FAT3: variants seen among roughly 807,000 people sequenced by gnomAD.
FAT3 encodes the protein protocadherin Fat 3.
FAT3 carries 95 observed loss-of-function variants against 310.2 expected under a neutral mutation model. That is an observed-to-expected ratio of 0.31 (90% confidence interval 0.26 to 0.36). The LOEUF is 0.36. Ranked by LOEUF, FAT3 falls within the 10% of genes least tolerant of loss-of-function variation. FAT3 has a pLI of 1.00. For synonymous variants in FAT3, 2,314 were observed against 2,192.9 expected (o/e 1.06, Z -1.54); for missense variants, 5,408 against 5,715.6 (o/e 0.95, Z 1.74).
At chr11:92,342,030 T>C (rs1226413865) in intron 1 of FAT3, among the ~76,000 whole-genome samples, 2 of 152,146 alleles carry the variant, frequency 1.3e-5, no homozygotes, top group Admixed American at 6.6e-5. Flanking sequence ...CCTTACATTC[T>C]TGGGGGACGT....
At chr11:92,623,325 C>A (rs1017767619) in intron 3 of FAT3, among the ~76,000 whole-genome samples, 1 of 152,182 alleles carries the variant, frequency 6.6e-6, no homozygotes, top group Non-Finnish European at 1.5e-5. Flanking sequence ...ACACCACTTG[C>A]TTTTCTCACT....
chr11:92,724,062 A>G (rs1352824780), intron 4 of FAT3, among the ~76,000 whole-genome samples: 1 of 152,202 alleles, frequency 6.6e-6, no homozygotes, highest in Admixed American at 6.5e-5. Flanking sequence ...ACACCATTTT[A>G]TTTAGCTCAC....
In FAT3 at chr11:92,896,374, A is replaced by G. The variant is rs1347274593; in HGVS notation, c.*5261A>G. 6.6e-6 allele frequency: 1 copy of G among 151,986 alleles called. No individual in the cohort carries two copies. 9.4% of individuals were successfully genotyped at this position (151,986 alleles called of 1,614,324 possible). On this transcript the variant is annotated 3_prime_UTR_variant, in exon 28 of 28. Coordinates refer to ENST00000525166, the MANE Select transcript of FAT3 (RefSeq NM_001367949.2). ...AAAAAAAGACAGCCAAAAAAAAGAA[A>G]CAACAACAACAAAAAAAAACACAAC... is the stretch of plus-strand genomic sequence containing the variant.
chr11:92,303,648 A>G (rs1473841568), intron 1 of FAT3, among the ~76,000 whole-genome samples: 1 of 152,166 alleles, frequency 6.6e-6, no homozygotes, highest in Non-Finnish European at 1.5e-5. Context: ...TAAGAGCAAT[A>G]AATGTATTGT....
chr11:92,690,283 A>T (rs1943760705), intron 3 of FAT3, among the ~76,000 whole-genome samples: 1 of 152,238 alleles, frequency 6.6e-6, no homozygotes, highest in Admixed American at 6.5e-5. Context: ...GCATCTTCAT[A>T]CTTTGGTTTA....
chr11:92,828,518 A>G (rs1156916115), intron 13 of FAT3, among the ~76,000 whole-genome samples: 1 of 152,132 alleles, frequency 6.6e-6, no homozygotes, highest in East Asian at 1.9e-4. Context: ...GGTAACAGAA[A>G]GAAGAGAGGA....
chr11:92,510,937 G>A (rs1384670527), intron 2 of FAT3, among the ~76,000 whole-genome samples: 1 of 152,236 alleles, frequency 6.6e-6, no homozygotes, highest in Non-Finnish European at 1.5e-5. Flanking sequence ...AGGGAACAGA[G>A]TAGAACAAAA....
At chr11:92,285,638 C>A (rs2134377928) in intron 1 of FAT3, among the ~76,000 whole-genome samples, 1 of 152,244 alleles carries the variant, frequency 6.6e-6, no homozygotes, top group Middle Eastern at 3.4e-3. Context: ...ATAATCTTAA[C>A]CAACTTCTAA....
intron 3 of FAT3, among the ~76,000 whole-genome samples, chr11:92,679,145 G>T (rs1178653805): frequency 6.6e-6 from 1 of 152,034 alleles, no homozygotes; most frequent in Non-Finnish European, 1.5e-5. Context: ...TCCTTTTATG[G>T]CTGAATAGTA....
At chr11:92,519,145 A>C (rs1953598000) in intron 2 of FAT3, among the ~76,000 whole-genome samples, 1 of 152,150 alleles carries the variant, frequency 6.6e-6, no homozygotes, top group African/African-American at 2.4e-5. Flanking sequence ...TGATTTCAAG[A>C]TTTATAAAGC....
rs1413570513 is a variant in FAT3, at chr11:92,890,716, A to T, written c.13373A>T (p.Asp4458Val). ...QDQLPPPLPEDFPDQYEALPP... is the reference protein window; with the variant it reads ...QDQLPPPLPEVFPDQYEALPP... ...CAGCTGCCTCCTCCTCTCCCGGAGG[A>T]CTTCCCAGACCAATATGAGGCCCTG... Residue 4458 changes from aspartate to valine, a missense_variant, in exon 28 of 28, where the codon GAC becomes GTC. By Grantham distance (152) the Asp-to-Val change is radical. Coordinates refer to ENST00000525166, the MANE Select transcript of FAT3 (RefSeq NM_001367949.2). 6.2e-7 allele frequency: 1 copy of T among 1,613,494 alleles called. No individual in the cohort carries two copies. The highest frequency in any genetic ancestry group is 1.7e-5 in the Admixed American group (1 of 59,938).
At chr11:92,832,125 G>C in intron 14 of FAT3, 114 bp downstream of exon 14, 1 of 1,175,028 alleles carries the variant, frequency 8.5e-7, no homozygotes, top group Non-Finnish European at 1.2e-6. Flanking sequence ...GAGTCCAGGA[G>C]TTCAGGACTA....
At chr11:92,596,009 T>C (rs1475821422) in intron 3 of FAT3, among the ~76,000 whole-genome samples, 1 of 152,164 alleles carries the variant, frequency 6.6e-6, no homozygotes, top group Non-Finnish European at 1.5e-5. Context: ...TTGGAGGGGA[T>C]TGGAGTGACA....
chr11:92,500,835 T>C (rs1285795925), intron 2 of FAT3, among the ~76,000 whole-genome samples: 1 of 152,046 alleles, frequency 6.6e-6, no homozygotes, highest in Non-Finnish European at 1.5e-5. Context: ...AATCACATAG[T>C]AAAAACAGTT....
At chr11:92,685,662 T>A (rs963813734) in intron 3 of FAT3, among the ~76,000 whole-genome samples, 2 of 151,456 alleles carry the variant, frequency 1.3e-5, no homozygotes, top group Admixed American at 6.6e-5. Flanking sequence ...TTGATGCCCT[T>A]CATATGCCAG....
chr11:92,539,485 C>T (rs1954370952), intron 3 of FAT3, among the ~76,000 whole-genome samples: 1 of 152,122 alleles, frequency 6.6e-6, no homozygotes, highest in Admixed American at 6.6e-5. Context: ...TTTGTGCTTT[C>T]ATCCAACTCT....
intron 4 of FAT3, among the ~76,000 whole-genome samples, chr11:92,760,729 A>T (rs117616242): frequency 6.6e-6 from 1 of 152,230 alleles, no homozygotes; most frequent in African/African-American, 2.4e-5. Context: ...AGAGTGCGTT[A>T]TAAACTGTGC....
At chr11:92,532,129 A>G (rs1278488172) in intron 3 of FAT3, among the ~76,000 whole-genome samples, 2 of 152,148 alleles carry the variant, frequency 1.3e-5, no homozygotes, top group Non-Finnish European at 2.9e-5. Flanking sequence ...AACTATAACT[A>G]TTATATGTAA....
chr11:92,330,997 TGTGTGTGAGAGAGAGA>T (rs1196472564), intron 1 of FAT3, among the ~76,000 whole-genome samples: 3,787 of 124,262 alleles, frequency 0.03, 167 homozygotes, highest in African/African-American at 0.15. Context: ...TGTGTGTGTG[TGTGTGTGAGAGAGAGA>T]GAGAGAGAAA....
Sources: gnomAD v4.1 joint callset for allele counts (sites outside exome capture counted in the v4.1 genomes callset) on GRCh38, gnomAD v4.1.1 for gene constraint, MANE v1.5 for transcripts, NCBI Gene and HGNC (gene_info 2026-07-23, HGNC 2026-07-21) for gene names.